EPM2A: variants seen among roughly 807,000 people sequenced by gnomAD.
EPM2A encodes EPM2A glucan phosphatase, laforin.
A neutral mutation model predicts 26.5 loss-of-function variants in EPM2A; 21 were observed. That is an observed-to-expected ratio of 0.79 (90% CI 0.56 to 1.14). EPM2A has a LOEUF of 1.14. Ranked by LOEUF, EPM2A falls within the 50% of genes most tolerant of loss-of-function variation. The pLI is 0.00. For missense variants in EPM2A, 458 were observed against 440.8 expected (o/e 1.04, Z -0.35); for synonymous variants, 217 against 177.6 (o/e 1.22, Z -1.76).
At chr6:145,463,674 G>A (rs1779353576) in intron 4 of EPM2A, among the ~76,000 whole-genome samples, 1 of 152,006 alleles carries the variant, frequency 6.6e-6, no homozygotes, top group Non-Finnish European at 1.5e-5. Flanking sequence ...AACTAACAAT[G>A]GATGTGTAGG....
At chr6:145,627,831 A>G (rs1775942515) in intron 3 of EPM2A, 138 bp from the exon 4 acceptor site, 2 of 1,263,054 alleles carry the variant, frequency 1.6e-6, no homozygotes, top group African/African-American at 1.5e-5. Flanking sequence ...TTCTTTCTGC[A>G]TTGTGAAGGA....
At chr6:145,578,202 C>A (rs998602231) in intron 2 of EPM2A, among the ~76,000 whole-genome samples, 1 of 151,962 alleles carries the variant, frequency 6.6e-6, no homozygotes, top group East Asian at 1.9e-4. Context: ...AAGGTCAGTG[C>A]AGAAATAGAA....
intron 4 of EPM2A, chr6:145,463,536 AC>A (rs1194352461): frequency 5.3e-5 from 8 of 151,502 alleles, no homozygotes; most frequent in Admixed American, 5.3e-4. Flanking sequence ...ATAATTCTAT[AC>A]CTAATATCAC....
chr6:145,702,992 C>T (rs2128626571), intron 1 of EPM2A, among the ~76,000 whole-genome samples: 4 of 152,134 alleles, frequency 2.6e-5, no homozygotes, highest in Admixed American at 2.6e-4. Flanking sequence ...TTGGTTTATT[C>T]CTATCTGTGG....
At chr6:145,699,244 G>A (rs1202268696) in intron 1 of EPM2A, among the ~76,000 whole-genome samples, 2 of 152,148 alleles carry the variant, frequency 1.3e-5, no homozygotes, top group Non-Finnish European at 2.9e-5. Flanking sequence ...ATTAGTGAGT[G>A]AAACGAAACT....
At chr6:145,581,178 T>A (rs1781107539) in intron 2 of EPM2A, among the ~76,000 whole-genome samples, 1 of 152,190 alleles carries the variant, frequency 6.6e-6, no homozygotes. Context: ...ATTTTTTGAC[T>A]TTTTAGTAAT....
intron 2 of EPM2A, among the ~76,000 whole-genome samples, chr6:145,591,373 C>A (rs1372587272): frequency 6.6e-6 from 1 of 152,026 alleles, no homozygotes; most frequent in African/African-American, 2.4e-5. Context: ...TAAAACAGGG[C>A]TAAATAGCAA....
chr6:145,512,705 C>A (rs1582813733), intron 2 of EPM2A, among the ~76,000 whole-genome samples: 1 of 89,620 alleles, frequency 1.1e-5, no homozygotes, highest in Non-Finnish European at 2.0e-5. Context: ...AGCGAGACTC[C>A]ATCTCAAAAA....
At chr6:145,693,037 A>G (rs1351615463) in intron 1 of EPM2A, among the ~76,000 whole-genome samples, 1 of 152,038 alleles carries the variant, frequency 6.6e-6, no homozygotes, top group African/African-American at 2.4e-5. Flanking sequence ...AATTCCTCTT[A>G]TCAAGGAGCA....
chr6:145,697,251 G>A (rs1206757553), intron 1 of EPM2A, among the ~76,000 whole-genome samples: 1 of 152,076 alleles, frequency 6.6e-6, no homozygotes, highest in Non-Finnish European at 1.5e-5. Flanking sequence ...GATGCCCCCG[G>A]AGCCGTAAAA....
Position 145,642,069 on chromosome 6 carries a change from C to T in EPM2A, c.477-6583G>A, listed in dbSNP as rs9390341. ...TAGCCCTGAAATTTGATCTATATGC[C>T]GTGTCAATAGATTATAATTGTAAAT... is the stretch of plus-strand genomic sequence containing the variant. On this transcript the variant is annotated intron_variant, in intron 2 of 3. Transcript: ENST00000367519. 4.6e-5 allele frequency among the ~76,000 whole-genome samples: 7 copies of T among 152,048 alleles called. No homozygotes were observed. In the East Asian group the frequency reaches 1.2e-3, roughly 25 times the overall value.
intron 4 of EPM2A, among the ~76,000 whole-genome samples, chr6:145,385,244 A>G (rs1778243497): frequency 6.8e-6 from 1 of 147,612 alleles, no homozygotes; most frequent in South Asian, 2.3e-4. Flanking sequence ...CAAAGGATGA[A>G]GAGATCCTTG....
At chr6:145,537,805 A>G (rs1582834518) in intron 2 of EPM2A, among the ~76,000 whole-genome samples, 1 of 142,652 alleles carries the variant, frequency 7.0e-6, no homozygotes, top group Non-Finnish European at 1.5e-5. Context: ...CTTTCTGTCC[A>G]TATGTTCTCA....
intron 2 of EPM2A, among the ~76,000 whole-genome samples, chr6:145,541,779 A>G (rs530767577): frequency 6.6e-6 from 1 of 152,298 alleles, no homozygotes; most frequent in African/African-American, 2.4e-5. Context: ...TTTAATTTTG[A>G]TATATTATGA....
chr6:145,531,373 C>T (rs1397842605), intron 2 of EPM2A, among the ~76,000 whole-genome samples: 1 of 152,040 alleles, frequency 6.6e-6, no homozygotes, highest in Non-Finnish European at 1.5e-5. Flanking sequence ...ATGCTCAAAA[C>T]ACAGAAAGGG....
chr6:145,567,162 T>C (rs1381523954), intron 2 of EPM2A, among the ~76,000 whole-genome samples: 1 of 152,216 alleles, frequency 6.6e-6, no homozygotes, highest in African/African-American at 2.4e-5. Flanking sequence ...TCTTAAACAC[T>C]GCAGTGACCC....
At chr6:145,384,896 T>C (rs916168548) in intron 4 of EPM2A, among the ~76,000 whole-genome samples, 1 of 147,136 alleles carries the variant, frequency 6.8e-6, no homozygotes, top group African/African-American at 2.5e-5. Context: ...AAGAGATAAG[T>C]GAAGAGATAA....
intron 2 of EPM2A, among the ~76,000 whole-genome samples, chr6:145,609,006 G>C (rs982428465): frequency 1.3e-5 from 2 of 152,150 alleles, no homozygotes; most frequent in Non-Finnish European, 2.9e-5. Context: ...TAATGTATTT[G>C]GCTAAGACAT....
intron 2 of EPM2A, among the ~76,000 whole-genome samples, chr6:145,505,169 G>A (rs1779953431): frequency 6.7e-6 from 1 of 148,734 alleles, no homozygotes; most frequent in African/African-American, 2.5e-5. Flanking sequence ...TGGGTGCAGT[G>A]CACCAGCATG....
Sources: allele counts gnomAD v4.1 joint callset (sites outside exome capture counted in the v4.1 genomes callset), GRCh38; gene constraint gnomAD v4.1.1; transcripts MANE v1.5; gene names NCBI Gene and HGNC (gene_info 2026-07-23, HGNC 2026-07-21).